SLC9A7: variants seen among roughly 807,000 people sequenced by gnomAD.
The protein encoded by SLC9A7 is solute carrier family 9 member A7.
Under a neutral mutation model 52.6 loss-of-function variants are expected in SLC9A7, and 19 were observed. The observed-to-expected ratio is 0.36, with a 90% CI of 0.25 to 0.53. SLC9A7 has a LOEUF of 0.53. Among genes scored for constraint, SLC9A7 ranks in the 20% least tolerant of loss-of-function variants. The pLI, the probability that SLC9A7 is intolerant of heterozygous loss-of-function variation, is 0.91. For synonymous variants in SLC9A7, 226 were observed against 252.1 expected (o/e 0.90, Z 0.98); for missense variants, 455 against 597.9 (o/e 0.76, Z 2.49).
At chrX:46,744,277 C>T (rs1219948143) in intron 1 of SLC9A7, among the ~76,000 whole-genome samples, 2 of 112,425 alleles carry the variant, frequency 1.8e-5, no homozygotes, top group African/African-American at 6.5e-5. Flanking sequence ...CATAACTACA[C>T]CCAGCTGCAA....
At chrX:46,755,342 AGAGG>A (rs1161278061) in intron 1 of SLC9A7, among the ~76,000 whole-genome samples, 5 of 103,851 alleles carry the variant, frequency 4.8e-5, no homozygotes, top group African/African-American at 1.7e-4. Context: ...AGAGGGTGAG[AGAGG>A]GAGGGAGGGA....
At chrX:46,661,172 T>C (rs1003454482) in intron 7 of SLC9A7, among the ~76,000 whole-genome samples, 1 of 101,208 alleles carries the variant, frequency 9.9e-6, no homozygotes, top group African/African-American at 3.7e-5. Flanking sequence ...AATTGAACAA[T>C]GAGAACACAT....
chrX:46,628,226 C>G (rs769722481), intron 14 of SLC9A7, among the ~76,000 whole-genome samples: 1 of 112,275 alleles, frequency 8.9e-6, no homozygotes, highest in East Asian at 2.8e-4. Context: ...TCTGCATGTA[C>G]GGCCAACAGA....
rs778633406 is a variant in SLC9A7, at chrX:46,662,124, G to A, written c.933C>T (p.Asn311=). ...SIVAYQPAGL[N]THAFDAAAFF... ...AGGCAGCAGCATCAAAGGCGTGAGTGTTCAGTCCCGCTGGCTGGTAGGCAA... is the reference window on the plus strand; with the variant it reads ...AGGCAGCAGCATCAAAGGCGTGAGTATTCAGTCCCGCTGGCTGGTAGGCAA... The change falls in exon 7 of 17, where the codon AAC becomes AAT. Residue 311 remains asparagine, a synonymous_variant. Coordinates refer to ENST00000616978, the MANE Select transcript of SLC9A7 (RefSeq NM_001257291.2). 21 of 1,207,764 alleles carry A rather than the reference G, an allele frequency of 1.7e-5. No individual in the cohort carries two copies. Among genetic ancestry groups the A allele is most frequent in the Non-Finnish European group, 2.2e-5 (20 of 894,050 alleles).
chrX:46,615,585 C>T (rs1013486713), intron 15 of SLC9A7, among the ~76,000 whole-genome samples: 4 of 109,479 alleles, frequency 3.7e-5, no homozygotes, highest in Non-Finnish European at 7.6e-5. Flanking sequence ...AGACAAGCTC[C>T]CCCTTCCTCC....
At position 46,601,885 on chromosome X, in the gene SLC9A7, A is replaced by G. The variant is rs1285495116; in HGVS notation, c.*5067T>C. 1 of 111,922 alleles carries G rather than the reference A, an allele frequency of 8.9e-6. No individual in the cohort carries two copies. The highest frequency in any genetic ancestry group is 9.5e-5 in the Admixed American group (1 of 10,519). The allele number at this position is 111,922 out of a possible 1,213,427, so 9.2% of individuals were successfully genotyped here. A position where few individuals can be genotyped will look rare whatever the true frequency, so the allele number is the denominator to read the frequency against. ...TTAATTACCTGCTACGGAAACCACCACCATCACCATGTGATAGCAAAGGAC... is the reference window on the plus strand; with the variant it reads ...TTAATTACCTGCTACGGAAACCACCGCCATCACCATGTGATAGCAAAGGAC... On this transcript the variant is annotated 3_prime_UTR_variant, in exon 17 of 17. Transcript: ENST00000616978.
At chrX:46,655,276 C>T (rs1013476785) in intron 7 of SLC9A7, among the ~76,000 whole-genome samples, 2 of 111,605 alleles carry the variant, frequency 1.8e-5, no homozygotes, top group South Asian at 3.7e-4. Flanking sequence ...TGAGCCACCA[C>T]GCCCAGCACA....
chrX:46,668,515 A>C (rs1000004423), intron 5 of SLC9A7, among the ~76,000 whole-genome samples: 2 of 111,592 alleles, frequency 1.8e-5, no homozygotes, highest in Non-Finnish European at 3.8e-5. Context: ...CTCAAAAACA[A>C]AACAAAACAA....
intron 1 of SLC9A7, among the ~76,000 whole-genome samples, chrX:46,755,145 GGA>G (rs1328571719): frequency 8.9e-6 from 1 of 112,037 alleles, no homozygotes; most frequent in Non-Finnish European, 1.9e-5. Context: ...GGTGGGTGGG[GGA>G]GTTCCTTTCT....
At chrX:46,748,197 T>G (rs1217705961) in intron 1 of SLC9A7, among the ~76,000 whole-genome samples, 3 of 109,602 alleles carry the variant, frequency 2.7e-5, no homozygotes. Context: ...AAATACAAAA[T>G]TAGCTGGGCG....
intron 1 of SLC9A7, among the ~76,000 whole-genome samples, chrX:46,692,862 ACAGAGT>A (rs1406298561): frequency 1.8e-5 from 2 of 110,779 alleles, no homozygotes; most frequent in African/African-American, 6.6e-5. Context: ...GGCTCTCTAA[ACAGAGT>A]CAAAGTTTGT....
chrX:46,696,896 T>G (rs1944456785), intron 1 of SLC9A7, among the ~76,000 whole-genome samples: 1 of 112,077 alleles, frequency 8.9e-6, no homozygotes, highest in African/African-American at 3.2e-5. Context: ...TGCCCAAGGT[T>G]ACACATAGGT....
intron 7 of SLC9A7, among the ~76,000 whole-genome samples, chrX:46,658,194 A>G (rs1220311303): frequency 1.9e-5 from 2 of 104,712 alleles, no homozygotes; most frequent in Non-Finnish European, 3.9e-5. Flanking sequence ...GACACAACAT[A>G]CCAGAATCTC....
rs1242087928 is a variant in SLC9A7, at chrX:46,613,359, G to T, written c.1859C>A (p.Pro620Gln). Residue 620 changes from proline to glutamine, a missense_variant, in exon 16 of 17, where the codon CCA becomes CAA. Around this residue, in one of 3 missense-constraint regions of SLC9A7, gnomAD observed 146 missense variants for 160.5 expected, o/e 0.91. Coordinates refer to ENST00000616978, the MANE Select transcript of SLC9A7 (RefSeq NM_001257291.2). Reference sequence around the variant, plus strand: ...CCAGGCGGGGAGCGTGGTGGTTAGTGGGGGACCACTGTGTGTGAGGATGGG... The same window carrying T: ...CCAGGCGGGGAGCGTGGTGGTTAGTTGGGGACCACTGTGTGTGAGGATGGG... The part of the protein sequence containing the change: ...LKPILTHSGP[P>Q]LTTTLPAWCG... The T allele has an allele frequency of 8.3e-7, 1 of 1,203,464 alleles. No homozygotes were observed. Among genetic ancestry groups the T allele is most frequent in the East Asian group, 3.0e-5 (1 of 33,682 alleles).
rs185422194 is a variant in SLC9A7 at position 46,702,314 on chromosome X, A to T, written c.326-19779T>A. Among the ~76,000 whole-genome samples the T allele has an allele frequency of 4.4e-3, 480 of 109,461 alleles. 3 individuals are homozygous for T. The highest frequency in any genetic ancestry group is 0.016 in the African/African-American group (463 of 28,409). The stretch of plus-strand genomic sequence containing the variant: ...TAATTTCAACTTTTATTTTAAATAC[A>T]GGGGGAACATGTACAGGTTTGTTAC... On this transcript the variant is annotated intron_variant, in intron 1 of 16. Coordinates refer to ENST00000616978, the MANE Select transcript of SLC9A7 (RefSeq NM_001257291.2).
At chrX:46,741,060 T>C (rs777675961) in intron 1 of SLC9A7, among the ~76,000 whole-genome samples, 1 of 112,072 alleles carries the variant, frequency 8.9e-6, no homozygotes, top group Non-Finnish European at 1.9e-5. Flanking sequence ...CCATCACAAA[T>C]GTGAAATACT....
intron 1 of SLC9A7, among the ~76,000 whole-genome samples, chrX:46,755,559 G>A (rs1176546662): frequency 9.0e-6 from 1 of 111,071 alleles, no homozygotes; most frequent in Non-Finnish European, 1.9e-5. Flanking sequence ...AGCCGGGTGC[G>A]GTGGCTCACA....
chrX:46,616,301 T>G, intron 15 of SLC9A7, among the ~76,000 whole-genome samples: 2 of 91,221 alleles, frequency 2.2e-5, no homozygotes, highest in African/African-American at 4.3e-5. Flanking sequence ...CAGTGCAGAG[T>G]GAGACCCTGT....
intron 1 of SLC9A7, among the ~76,000 whole-genome samples, chrX:46,735,797 C>T (rs1253733550): frequency 9.0e-6 from 1 of 111,402 alleles, no homozygotes; most frequent in Non-Finnish European, 1.9e-5. Flanking sequence ...AAACAAGCCA[C>T]CCCACTGTCT....
Sources: gnomAD v4.1 joint callset for allele counts (sites outside exome capture counted in the v4.1 genomes callset) on GRCh38, gnomAD v4.1.1 for gene constraint, gnomAD v4.1.1 regional missense constraint, MANE v1.5 for transcripts, NCBI Gene and HGNC (gene_info 2026-07-23, HGNC 2026-07-21) for gene names.